Variants in PITPNM2 observed in about 807,000 individuals in gnomAD.
PITPNM2 encodes the protein membrane-associated phosphatidylinositol transfer protein 2.
PITPNM2 carries 35 observed loss-of-function variants against 132.2 expected under a neutral mutation model. That is an observed-to-expected ratio of 0.26 (90% CI 0.20 to 0.35). The LOEUF is 0.35. PITPNM2 is among the 10% of genes least tolerant of loss of function. PITPNM2 has a pLI of 1.00. For synonymous variants in PITPNM2, 738 were observed against 799.2 expected (o/e 0.92, Z 1.29); for missense variants, 1,332 against 1,912.0 (o/e 0.70, Z 5.66).
intron 3 of PITPNM2, among the ~76,000 whole-genome samples, chr12:123,017,045 CAAA>C (rs1240479984): frequency 1.2e-5 from 1 of 82,570 alleles, no homozygotes; most frequent in Non-Finnish European, 2.5e-5. Context: ...GACTCCATCT[CAAA>C]AAAAAAAAAA....
rs74240763 is a variant in PITPNM2, at chr12:123,129,782, A to G, written c.-199-19294T>C. On this transcript the variant is annotated intron_variant, in intron 1 of 25. Coordinates refer to ENST00000320201, the MANE Select transcript of PITPNM2 (RefSeq NM_020845.3). ...GGAACACAGAGACACAGAAAAATGC[A>G]TAGAGTTCTTGCCTACAGAGGAAAC... Among the ~76,000 whole-genome samples, 59 of 152,280 alleles carry G rather than the reference A, an allele frequency of 3.9e-4. No homozygotes were observed. In the East Asian group the frequency reaches 0.011, roughly 29 times the overall value.
intron 5 of PITPNM2, among the ~76,000 whole-genome samples, chr12:123,011,282 C>G: frequency 6.6e-6 from 1 of 152,226 alleles, no homozygotes; most frequent in Non-Finnish European, 1.5e-5. Context: ...TCAGCTCCAC[C>G]AAAATCAGCA....
At position 122,989,820 on chromosome 12, in the gene PITPNM2, C is replaced by A; in HGVS notation, c.2698G>T (p.Ala900Ser). The A allele has an allele frequency of 2.8e-6, 4 of 1,403,714 alleles. No homozygotes were observed. The highest frequency in any genetic ancestry group is 3.7e-6 in the Non-Finnish European group (4 of 1,075,642). 87.0% of individuals were successfully genotyped at this position (1,403,714 alleles called of 1,614,324 possible). ...ARKASPGLER[A>S]PGLPELDIGE... Reference sequence around the variant, plus strand: ...ATGTCCAGCTCAGGGAGGCCAGGGGCCCTCTCCAGGCCAGGGCTTGCCTTC... The same window carrying A: ...ATGTCCAGCTCAGGGAGGCCAGGGGACCTCTCCAGGCCAGGGCTTGCCTTC... Residue 900 changes from alanine (A) to serine (S), a missense_variant, in exon 18 of 26, where the codon GCC becomes TCC. Physicochemically the swap from Ala to Ser is moderately conservative, Grantham distance 99. Transcript: ENST00000320201.
At chr12:123,061,513 G>T (rs949890005) in intron 2 of PITPNM2, among the ~76,000 whole-genome samples, 3 of 152,252 alleles carry the variant, frequency 2.0e-5, no homozygotes, top group African/African-American at 7.2e-5. Context: ...ACTGCACTAT[G>T]GCACGTCAGG....
chr12:123,136,623 C>T (rs1361485954), intron 1 of PITPNM2, among the ~76,000 whole-genome samples: 1 of 152,156 alleles, frequency 6.6e-6, no homozygotes, highest in African/African-American at 2.4e-5. Flanking sequence ...CTTGGCCAGG[C>T]ATGGTGGCTC....
At chr12:123,043,579 G>T (rs1196567177) in intron 2 of PITPNM2, among the ~76,000 whole-genome samples, 1 of 152,244 alleles carries the variant, frequency 6.6e-6, no homozygotes, top group African/African-American at 2.4e-5. Context: ...CAACTGCCAA[G>T]CCACTGCAGG....
intron 2 of PITPNM2, among the ~76,000 whole-genome samples, chr12:123,059,159 C>T (rs1195410775): frequency 6.6e-6 from 1 of 152,144 alleles, no homozygotes; most frequent in Non-Finnish European, 1.5e-5. Flanking sequence ...GCTGAAGAGC[C>T]CATGTGTTTC....
At chr12:123,141,037 A>G (rs1479256013) in intron 1 of PITPNM2, among the ~76,000 whole-genome samples, 1 of 152,130 alleles carries the variant, frequency 6.6e-6, no homozygotes, top group Non-Finnish European at 1.5e-5. Context: ...ATCAGGAAAT[A>G]CTGATGGATT....
At chr12:123,144,509 G>T (rs1428282257) in intron 1 of PITPNM2, among the ~76,000 whole-genome samples, 3 of 152,204 alleles carry the variant, frequency 2.0e-5, no homozygotes, top group Non-Finnish European at 2.9e-5. Flanking sequence ...TCGGCTCACT[G>T]CAACCTCCAC....
At chr12:123,067,004 C>T (rs1458141221) in intron 2 of PITPNM2, among the ~76,000 whole-genome samples, 1 of 152,190 alleles carries the variant, frequency 6.6e-6, no homozygotes, top group East Asian at 1.9e-4. Context: ...GTGCAGCCCC[C>T]TCCCCAAATT....
At position 123,140,714 on chromosome 12, in the gene PITPNM2, AC is replaced by A. The variant is rs1401620720; in HGVS notation, c.-200+10038del. On this transcript the variant is annotated intron_variant, in intron 1 of 25. Transcript: ENST00000320201. ...AGACTCCTAAACCCCCCAGGACCAC[AC>A]CCCAGAGGCCTAGCTAGACCCCACT... Among the ~76,000 whole-genome samples the A allele has an allele frequency of 3.3e-5, 5 of 151,474 alleles. No homozygotes were observed. In the East Asian group the frequency reaches 9.7e-4, roughly 29 times the overall value.
At chr12:123,014,958 A>C (rs1367980634) in intron 3 of PITPNM2, among the ~76,000 whole-genome samples, 1 of 152,254 alleles carries the variant, frequency 6.6e-6, no homozygotes, top group African/African-American at 2.4e-5. Flanking sequence ...GAAAGAATAA[A>C]TACCTAGGAA....
Position 123,009,713 on chromosome 12 carries a change from G to A in PITPNM2, c.643+137C>T, listed in dbSNP as rs2039099236. ...AGTGGGGAAGCTGGACATGGGCTTT[G>A]GTGTCACCTTCCCAGAACAAAACAG... On this transcript the variant is annotated intron_variant, in intron 6 of 25. Transcript: ENST00000320201. The surrounding 1 kb of genome is among the most constrained non-coding windows in gnomAD (Gnocchi z 4.8). 1 of 797,174 alleles carries A rather than the reference G, an allele frequency of 1.3e-6. No homozygotes were observed. The highest frequency in any genetic ancestry group is 2.1e-6 in the Non-Finnish European group (1 of 484,744). 49.4% of individuals were successfully genotyped at this position (797,174 alleles called of 1,614,324 possible). A position where few individuals can be genotyped will look rare whatever the true frequency, so the allele number is the denominator to read the frequency against.
At chr12:123,129,951 C>T (rs553883426) in intron 1 of PITPNM2, among the ~76,000 whole-genome samples, 1 of 151,560 alleles carries the variant, frequency 6.6e-6, no homozygotes, top group Admixed American at 6.6e-5. Flanking sequence ...GTTGCCCAAG[C>T]TGGAGTGCAG....
In PITPNM2 at chr12:122,992,370, C is replaced by T. The variant is rs919484071; in HGVS notation, c.2404+129G>A. On this transcript the variant is annotated intron_variant, in intron 16 of 25. Coordinates refer to ENST00000320201, the MANE Select transcript of PITPNM2 (RefSeq NM_020845.3). The surrounding 1 kb of genome is among the most constrained non-coding windows in gnomAD (Gnocchi z 6.5). ...CCCACCCCCAACAGCTGTCCACCTC[C>T]AAGAGGCATTCAGCACAAGCTGTCC... is the stretch of plus-strand genomic sequence containing the variant. 1.3e-6 allele frequency: 1 copy of T among 774,996 alleles called. No individual in the cohort carries two copies. The highest frequency in any genetic ancestry group is 1.9e-5 in the African/African-American group (1 of 53,014). 48.0% of individuals were successfully genotyped at this position (774,996 alleles called of 1,614,324 possible). A position where few individuals can be genotyped will look rare whatever the true frequency, so the allele number is the denominator to read the frequency against.
chr12:123,074,771 G>A (rs1372078273), intron 2 of PITPNM2, among the ~76,000 whole-genome samples: 1 of 152,156 alleles, frequency 6.6e-6, no homozygotes, highest in Non-Finnish European at 1.5e-5. Flanking sequence ...AGGCTCCCCT[G>A]CAGACACAAA....
At chr12:123,057,003 T>C (rs181496622) in intron 2 of PITPNM2, among the ~76,000 whole-genome samples, 1 of 152,184 alleles carries the variant, frequency 6.6e-6, no homozygotes, top group Admixed American at 6.5e-5. Context: ...GGATCCCAAA[T>C]GTGAAAGAGA....
chr12:123,043,359 C>A (rs6489249), intron 2 of PITPNM2, among the ~76,000 whole-genome samples: 13,842 of 152,086 alleles, frequency 0.091, 2,113 homozygotes, highest in African/African-American at 0.31. Context: ...ACCAAGGAGA[C>A]TTTGAGCAGG....
intron 2 of PITPNM2, among the ~76,000 whole-genome samples, chr12:123,076,585 C>A (rs1463098109): frequency 6.6e-6 from 1 of 152,296 alleles, no homozygotes; most frequent in East Asian, 1.9e-4. Flanking sequence ...ACTTTGTGAG[C>A]CAATTCTGGT....
Sources: gnomAD v4.1 joint callset for allele counts (sites outside exome capture counted in the v4.1 genomes callset) on GRCh38, gnomAD v4.1.1 for gene constraint, Gnocchi (gnomAD v3.1) non-coding constraint, MANE v1.5 for transcripts, NCBI Gene and HGNC (gene_info 2026-07-23, HGNC 2026-07-21) for gene names.